The following RCOR1 variants were observed in gnomAD, a reference collection of about 807,000 sequenced individuals.
RCOR1 encodes REST corepressor 1.
A neutral mutation model predicts 64.0 loss-of-function variants in RCOR1; 12 were observed. That is an observed-to-expected ratio of 0.19 (90% CI 0.12 to 0.30). The LOEUF is 0.30. RCOR1 is among the 10% of genes least tolerant of loss of function. The pLI, the probability that RCOR1 is intolerant of heterozygous loss-of-function variation, is 1.00. For missense variants in RCOR1, 502 were observed against 621.2 expected, an observed-to-expected ratio of 0.81 and a Z score of 2.04; for synonymous variants, 279 against 227.2, an observed-to-expected ratio of 1.23 and a Z score of -2.05.
chr14:102,683,612 C>T (rs532981301), intron 3 of RCOR1, among the ~76,000 whole-genome samples: 2 of 152,250 alleles, frequency 1.3e-5, no homozygotes, highest in Non-Finnish European at 2.9e-5. Context: ...TGGGCAACTT[C>T]TCTTGGGAAT....
intron 2 of RCOR1, among the ~76,000 whole-genome samples, chr14:102,646,199 C>T (rs1894475334): frequency 6.6e-6 from 1 of 152,150 alleles, no homozygotes; most frequent in Admixed American, 6.5e-5. Flanking sequence ...ACAGTTACAT[C>T]CCTGTCTGAT....
chr14:102,644,225 G>A (rs1207273235), intron 2 of RCOR1, among the ~76,000 whole-genome samples: 1 of 152,208 alleles, frequency 6.6e-6, no homozygotes, highest in Non-Finnish European at 1.5e-5. Context: ...ACAAGAAAGT[G>A]CAGGCTTCCA....
intron 2 of RCOR1, among the ~76,000 whole-genome samples, chr14:102,653,503 T>G (rs543401722): frequency 9.8e-5 from 15 of 152,316 alleles, no homozygotes; most frequent in Admixed American, 8.5e-4. Context: ...TGTTATTCTT[T>G]AGTAGTTCCT....
chr14:102,673,380 A>G (rs1360029063), intron 2 of RCOR1, among the ~76,000 whole-genome samples: 1 of 144,924 alleles, frequency 6.9e-6, no homozygotes, highest in Admixed American at 7.0e-5. Context: ...TCTGTGGCCC[A>G]GGCTGGAGTG....
At position 102,711,330 on chromosome 14, in the gene RCOR1, G is replaced by T. The variant is rs180780704; in HGVS notation, c.858+317G>T. ...TAACAAGTGGTCTAGTGAATTCCAG[G>T]CAGCCTTAGGGTCTCCATTCACGCT... On this transcript the variant is annotated intron_variant, in intron 7 of 11. Coordinates refer to ENST00000262241, the MANE Select transcript of RCOR1 (RefSeq NM_015156.4). Among the ~76,000 whole-genome samples, 8 of 152,238 alleles carry T rather than the reference G, an allele frequency of 5.3e-5. No homozygotes were observed. The East Asian group carries it at 1.5e-3, about 29-fold the overall frequency.
At chr14:102,687,959 A>G (rs569591405) in intron 3 of RCOR1, among the ~76,000 whole-genome samples, 76 of 135,380 alleles carry the variant, frequency 5.6e-4, no homozygotes, top group African/African-American at 2.1e-3. Context: ...AAATGATAGC[A>G]TTTCCTTTTT....
At chr14:102,651,197 G>C (rs1319198672) in intron 2 of RCOR1, 1 of 324,842 alleles carries the variant, frequency 3.1e-6, no homozygotes, top group Non-Finnish European at 4.4e-6. Context: ...ATAGAGGTGT[G>C]AAGTGGGAAA....
chr14:102,600,346 A>G (rs1454394804), intron 2 of RCOR1, among the ~76,000 whole-genome samples: 4 of 151,962 alleles, frequency 2.6e-5, no homozygotes, highest in African/African-American at 9.6e-5. Flanking sequence ...AAGTGCTGGG[A>G]TTACAAGCGT....
intron 2 of RCOR1, among the ~76,000 whole-genome samples, chr14:102,681,322 A>G (rs1895298177): frequency 6.6e-6 from 1 of 152,180 alleles, no homozygotes; most frequent in Admixed American, 6.6e-5. Context: ...TTCTGAAGAT[A>G]TGTGTATTGT....
chr14:102,687,286 AAAGTC>A (rs561906613), intron 3 of RCOR1, among the ~76,000 whole-genome samples: 133 of 152,362 alleles, frequency 8.7e-4, no homozygotes, highest in African/African-American at 3.2e-3. Flanking sequence ...CTACAGAAGT[AAAGTC>A]AAGTGTTTAA....
At chr14:102,696,499 A>G (rs1362836070) in intron 3 of RCOR1, among the ~76,000 whole-genome samples, 2 of 152,202 alleles carry the variant, frequency 1.3e-5, no homozygotes, top group Non-Finnish European at 2.9e-5. Context: ...ACACTGGGGA[A>G]GGGTGATGGG....
At chr14:102,659,039 T>TA (rs1333746418) in intron 2 of RCOR1, 52 of 795,036 alleles carry the variant, frequency 6.5e-5, no homozygotes, top group Non-Finnish European at 7.6e-5. Flanking sequence ...CTCCATCTCC[T>TA]AGAGGGGAGT....
At chr14:102,652,764 C>T (rs981122263) in intron 2 of RCOR1, among the ~76,000 whole-genome samples, 1 of 152,028 alleles carries the variant, frequency 6.6e-6, no homozygotes, top group South Asian at 2.1e-4. Flanking sequence ...TTCCACTTAA[C>T]AAAAATATTA....
chr14:102,701,156 G>T, intron 3 of RCOR1, 122 bp from the exon 4 acceptor site: 2 of 798,478 alleles, frequency 2.5e-6, no homozygotes, highest in Non-Finnish European at 2.2e-6. Context: ...AATGAGATTT[G>T]GGTGGGGACA....
chr14:102,619,055 A>G (rs1005691154), intron 2 of RCOR1, among the ~76,000 whole-genome samples: 2 of 152,166 alleles, frequency 1.3e-5, no homozygotes, highest in Admixed American at 1.3e-4. Context: ...TGGAACAGGT[A>G]GGCATGGACC....
intron 10 of RCOR1, chr14:102,721,583 AAAAG>A: frequency 2.6e-6 from 1 of 386,306 alleles, no homozygotes; most frequent in Non-Finnish European, 4.6e-6. Flanking sequence ...TAATGGAAAA[AAAAG>A]AGCTTAGGAG....
chr14:102,629,490 CCT>C (rs1894060434), intron 2 of RCOR1, among the ~76,000 whole-genome samples: 1 of 150,404 alleles, frequency 6.6e-6, no homozygotes, highest in African/African-American at 2.5e-5. Context: ...TGCAAATTTG[CCT>C]CTCAGTAACA....
rs1896350727 is a variant in RCOR1 at position 102,730,502 on chromosome 14, T to C, written c.*3996T>C. On this transcript the variant is annotated 3_prime_UTR_variant, in exon 12 of 12. Coordinates refer to ENST00000262241, the MANE Select transcript of RCOR1 (RefSeq NM_015156.4). ...TTGTGAAATTCTGCAGAATTCATTTTTCTATTTCCAATATTTGCTGAGGTT... is the reference window on the plus strand; with the variant it reads ...TTGTGAAATTCTGCAGAATTCATTTCTCTATTTCCAATATTTGCTGAGGTT... 1 of 152,984 alleles carries C rather than the reference T, an allele frequency of 6.5e-6. No homozygotes were observed. The highest frequency in any genetic ancestry group is 1.5e-5 in the Non-Finnish European group (1 of 68,270). 9.5% of individuals were successfully genotyped at this position (152,984 alleles called of 1,614,324 possible).
rs182821322 is a variant in RCOR1 at position 102,688,128 on chromosome 14, G to A, written c.445+6150G>A. 5.3e-4 allele frequency among the ~76,000 whole-genome samples: 81 copies of A among 152,160 alleles called. No individual in the cohort carries two copies. In the East Asian group the frequency reaches 0.01, roughly 19 times the overall value. ...ATTACATGCGTGTGCCACCACACCC[G>A]GCTAATTGTGTGTTTTTAGTAGAGA... On this transcript the variant is annotated intron_variant, in intron 3 of 11. Coordinates refer to ENST00000262241, the MANE Select transcript of RCOR1 (RefSeq NM_015156.4).
Sources: allele counts gnomAD v4.1 joint callset (sites outside exome capture counted in the v4.1 genomes callset), GRCh38; gene constraint gnomAD v4.1.1; transcripts MANE v1.5; gene names NCBI Gene and HGNC (gene_info 2026-07-23, HGNC 2026-07-21).